The following ACSM6 variants were observed in gnomAD, a reference collection of about 807,000 sequenced individuals.
ACSM6 encodes the protein acyl-coenzyme A synthetase ACSM6, mitochondrial.
Under a neutral mutation model 51.1 loss-of-function variants are expected in ACSM6, and 35 were observed. The observed-to-expected ratio is 0.69, with a 90% CI of 0.52 to 0.91. ACSM6 has a LOEUF of 0.91. ACSM6 is among the 40% of genes least tolerant of loss of function. The probability of loss-of-function intolerance (pLI) is 0.00; values close to 1 mark genes in which losing one functional copy is unlikely to be tolerated. For synonymous variants in ACSM6, 172 were observed against 207.3 expected (o/e 0.83, Z 1.46); for missense variants, 509 against 584.1 (o/e 0.87, Z 1.32).
intron 2 of ACSM6, chr10:95,201,707 C>A (rs1564586623): frequency 1.1e-5 from 6 of 536,920 alleles, no homozygotes; most frequent in Middle Eastern, 3.8e-4. Flanking sequence ...GAAATCTCTG[C>A]CATCCTGGGC....
chr10:95,197,504 T>C (rs557382528), intron 2 of ACSM6, among the ~76,000 whole-genome samples: 1 of 152,120 alleles, frequency 6.6e-6, no homozygotes, highest in African/African-American at 2.4e-5. Context: ...GAAGGTACTA[T>C]GCCTGGATGT....
chr10:95,214,801 A>G (rs1178702967), intron 7 of ACSM6, 51 bp from the exon 8 acceptor site: 2 of 1,534,874 alleles, frequency 1.3e-6, no homozygotes, highest in Admixed American at 2.0e-5. Context: ...CAGACCTGTT[A>G]TTGGTAGAAA....
chr10:95,197,115 T>C (rs2034734305), intron 2 of ACSM6, among the ~76,000 whole-genome samples: 1 of 152,194 alleles, frequency 6.6e-6, no homozygotes, highest in Non-Finnish European at 1.5e-5. Context: ...GTAGGGTGTG[T>C]TTCTTCATAC....
chr10:95,220,642 T>TTACTTTAAC (rs2034987410), intron 9 of ACSM6, among the ~76,000 whole-genome samples: 2 of 152,208 alleles, frequency 1.3e-5, no homozygotes, highest in African/African-American at 4.8e-5. Context: ...ATATTAGTAT[T>TTACTTTAAC]TACTTTAACT....
chr10:95,216,513 G>A (rs758715248), intron 8 of ACSM6, among the ~76,000 whole-genome samples: 1 of 152,134 alleles, frequency 6.6e-6, no homozygotes, highest in Non-Finnish European at 1.5e-5. Context: ...TCATGCTGAA[G>A]GCCTTAATGG....
chr10:95,224,496 G>A (rs890596237), intron 9 of ACSM6, among the ~76,000 whole-genome samples: 1 of 152,220 alleles, frequency 6.6e-6, no homozygotes, highest in African/African-American at 2.4e-5. Flanking sequence ...GGCCTCCCGG[G>A]TTCAAGCAAT....
intron 4 of ACSM6, among the ~76,000 whole-genome samples, chr10:95,207,636 C>T (rs1275793183): frequency 1.3e-5 from 2 of 152,174 alleles, no homozygotes; most frequent in Non-Finnish European, 2.9e-5. Flanking sequence ...CCAACACAAG[C>T]ATCCCTGGTC....
chr10:95,203,882 A>C (rs1589492173), intron 3 of ACSM6, among the ~76,000 whole-genome samples: 1 of 140,016 alleles, frequency 7.1e-6, no homozygotes, highest in African/African-American at 2.7e-5. Context: ...AAAAAAAAAA[A>C]CTGAAAAGTG....
At chr10:95,210,694 A>G (rs1239634700) in exon 5 of ACSM6, 2 of 1,613,972 alleles carry the variant, frequency 1.2e-6, no homozygotes, top group African/African-American at 1.3e-5. Flanking sequence ...AAAAGCCAAG[A>G]TCCAATGGCC....
intron 10 of ACSM6, 127 bp downstream of exon 10, chr10:95,225,518 T>A: frequency 1.6e-6 from 1 of 615,862 alleles, no homozygotes; most frequent in Non-Finnish European, 2.7e-6. Flanking sequence ...AATTTTTGAG[T>A]CTCCAAAAAT....
At chr10:95,207,549 G>A (rs879226510) in intron 4 of ACSM6, 134 bp downstream of exon 4, 6 of 904,788 alleles carry the variant, frequency 6.6e-6, no homozygotes, top group Non-Finnish European at 1.0e-5. Context: ...ATTAGATGAT[G>A]TATGAGAAGG....
intron 4 of ACSM6, among the ~76,000 whole-genome samples, chr10:95,209,939 T>A (rs1181671117): frequency 6.6e-6 from 1 of 152,134 alleles, no homozygotes; most frequent in Non-Finnish European, 1.5e-5. Flanking sequence ...AGGTGAGTCA[T>A]GCAAGTGCCT....
chr10:95,223,277 A>C (rs2035010889), intron 9 of ACSM6, among the ~76,000 whole-genome samples: 1 of 151,626 alleles, frequency 6.6e-6, no homozygotes, highest in Non-Finnish European at 1.5e-5. Flanking sequence ...TCCTTCACAA[A>C]CTCTCCCCAA....
chr10:95,218,219 A>G (rs2133388652), intron 8 of ACSM6, among the ~76,000 whole-genome samples: 1 of 152,358 alleles, frequency 6.6e-6, no homozygotes, highest in East Asian at 1.9e-4. Flanking sequence ...TAAACTTGGC[A>G]TTTTTAGTTA....
At chr10:95,210,607 A>C in intron 4 of ACSM6, 43 bp from the exon 5 acceptor site, 1 of 1,585,574 alleles carries the variant, frequency 6.3e-7, no homozygotes, top group Non-Finnish European at 8.6e-7. Context: ...TAATCAGAGA[A>C]CCTAAATTTA....
intron 9 of ACSM6, among the ~76,000 whole-genome samples, chr10:95,223,849 G>T (rs534025427): frequency 6.6e-6 from 1 of 152,068 alleles, no homozygotes; most frequent in Non-Finnish European, 1.5e-5. Flanking sequence ...TGGAAAAGAA[G>T]AAATAAAACT....
At chr10:95,202,553 T>C (rs1564586892) in intron 3 of ACSM6, among the ~76,000 whole-genome samples, 1 of 152,128 alleles carries the variant, frequency 6.6e-6, no homozygotes, top group African/African-American at 2.4e-5. Flanking sequence ...TGTCCTAACA[T>C]AGTCATCATC....
intron 3 of ACSM6, among the ~76,000 whole-genome samples, chr10:95,203,607 A>T (rs1406550210): frequency 6.6e-6 from 1 of 152,052 alleles, no homozygotes; most frequent in African/African-American, 2.4e-5. Context: ...TCCAACATAA[A>T]CAGGAAATGC....
At chr10:95,207,784 C>CTA (rs56827662) in intron 4 of ACSM6, among the ~76,000 whole-genome samples, 54,068 of 151,636 alleles carry the variant, frequency 0.36, 10,031 homozygotes, top group Non-Finnish European at 0.39. Context: ...TATATATAGA[C>CTA]TATATATAAT....
Sources: allele counts gnomAD v4.1 joint callset (sites outside exome capture counted in the v4.1 genomes callset), GRCh38; gene constraint gnomAD v4.1.1; transcripts MANE v1.5; gene names NCBI Gene and HGNC (gene_info 2026-07-23, HGNC 2026-07-21).